The following CCDC127 variants were observed in gnomAD, a reference collection of about 807,000 sequenced individuals.
CCDC127 encodes the protein coiled-coil domain containing 127.
Under a neutral mutation model 4.1 loss-of-function variants are expected in CCDC127, and 2 were observed. The observed-to-expected ratio is 0.49, with a 90% CI of 0.20 to 1.53. The LOEUF (loss-of-function observed/expected upper bound fraction) is 1.53. CCDC127 is among the 40% of genes most tolerant of loss of function. The probability of loss-of-function intolerance (pLI) is 0.23; values close to 1 mark genes in which losing one functional copy is unlikely to be tolerated. For synonymous variants in CCDC127, 98 were observed against 120.4 expected (o/e 0.81, Z 1.22); for missense variants, 271 against 322.9 (o/e 0.84, Z 1.23).
Position 200,232 on chromosome 5 carries a change from C to G in CCDC127, c.*5065G>C, listed in dbSNP as rs1005847715. ...GAGACCTGCGAAGCTGCCACAGAAG[C>G]CCTCCGCCTTCCACCGCATGCCTGC... On this transcript the variant is annotated 3_prime_UTR_variant, in exon 3 of 3. Coordinates refer to ENST00000296824, the MANE Select transcript of CCDC127 (RefSeq NM_145265.3). 6.6e-6 allele frequency: 1 copy of G among 152,272 alleles called. No homozygotes were observed. Among genetic ancestry groups the G allele is most frequent in the Admixed American group, 6.5e-5 (1 of 15,286 alleles). 9.4% of individuals were successfully genotyped at this position (152,272 alleles called of 1,614,324 possible).
At position 205,660 on chromosome 5, in the gene CCDC127, C is replaced by A. The variant is rs547398127; in HGVS notation, c.420G>T (p.Ala140=). The A allele has an allele frequency of 4.3e-6, 7 of 1,614,080 alleles. No individual in the cohort carries two copies. In the African/African-American group the frequency reaches 8.0e-5, roughly 18 times the overall value. ...CTTCCCTTTGCAGGCAGCTCAAATA[C>A]GCACTTCTCAAAGGCTGCACCTGTC... ...EKRQVQPLRS[A]YLSCLQREEN... is the part of the protein sequence containing the mutation. The change falls in exon 3 of 3, where the codon GCG becomes GCT. Residue 140 remains alanine (A), a synonymous_variant. Transcript: ENST00000296824.
In CCDC127 at chr5:200,892, GCCC is replaced by G. The variant is rs1427689408; in HGVS notation, c.*4402_*4404del. The G allele has an allele frequency of 9.6e-6, 1 of 103,748 alleles. No homozygotes were observed. The highest frequency in any genetic ancestry group is 2.1e-5 in the Non-Finnish European group (1 of 46,846). 6.4% of individuals were successfully genotyped at this position (103,748 alleles called of 1,614,324 possible). A position where few individuals can be genotyped will look rare whatever the true frequency, so the allele number is the denominator to read the frequency against. ...CCAGCCAGCGTCTACACAGCAGGCT[GCCC>G]CCATCACAGCTAGCCAGCGTCTACA... On this transcript the variant is annotated 3_prime_UTR_variant, in exon 3 of 3. Transcript: ENST00000296824.
In CCDC127 at chr5:201,289, GA is replaced by G. The variant is rs1413311199; in HGVS notation, c.*4007del. On this transcript the variant is annotated 3_prime_UTR_variant, in exon 3 of 3. Coordinates refer to ENST00000296824, the MANE Select transcript of CCDC127 (RefSeq NM_145265.3). ...CTTTTATGTAGCAAACCTAATATGT[GA>G]AAGTAACTAGAAAGCTGTTTTCTCC... 1 of 152,238 alleles carries G rather than the reference GA, an allele frequency of 6.6e-6. No homozygotes were observed. Among genetic ancestry groups the G allele is most frequent in the African/African-American group, 2.4e-5 (1 of 41,446 alleles). 9.4% of individuals were successfully genotyped at this position (152,238 alleles called of 1,614,324 possible).
rs1031753315 is a variant in CCDC127 at position 197,097 on chromosome 5, A to T, written c.*8200T>A. On this transcript the variant is annotated 3_prime_UTR_variant, in exon 3 of 3. Coordinates refer to ENST00000296824, the MANE Select transcript of CCDC127 (RefSeq NM_145265.3). The stretch of plus-strand genomic sequence containing the variant: ...GGGAAGGTACTATGCCTGGACGTGC[A>T]CGTAGGCCAGATTTATGTTTCTCTC... The T allele has an allele frequency of 1.3e-5, 2 of 152,066 alleles. No homozygotes were observed. Among genetic ancestry groups the T allele is most frequent in the African/African-American group, 4.8e-5 (2 of 41,384 alleles). 9.4% of individuals were successfully genotyped at this position (152,066 alleles called of 1,614,324 possible). A position where few individuals can be genotyped will look rare whatever the true frequency, so the allele number is the denominator to read the frequency against.
chr5:202,994 A>G lies in CCDC127; in HGVS notation c.*2303T>C, dbSNP rs989353218. 1 of 152,274 alleles carries G rather than the reference A, an allele frequency of 6.6e-6. No homozygotes were observed. Among genetic ancestry groups the G allele is most frequent in the Non-Finnish European group, 1.5e-5 (1 of 68,032 alleles). The allele number at this position is 152,274 out of a possible 1,614,324, so 9.4% of individuals were successfully genotyped here. A position where few individuals can be genotyped will look rare whatever the true frequency, so the allele number is the denominator to read the frequency against. On this transcript the variant is annotated 3_prime_UTR_variant, in exon 3 of 3. Transcript: ENST00000296824. ...ACACCTGTAATCCCAGTGCTGTGGG[A>G]GGCCGAGGTGGGGGCGGTGGATCAC...
chr5:207,536 A>C (rs1182184957), intron 2 of CCDC127, among the ~76,000 whole-genome samples: 1 of 152,228 alleles, frequency 6.6e-6, no homozygotes, highest in African/African-American at 2.4e-5. Context: ...AGAAGCTGCA[A>C]GGAAAAGTCA....
At position 204,142 on chromosome 5, in the gene CCDC127, T is replaced by C. The variant is rs959013238; in HGVS notation, c.*1155A>G. 3 of 152,244 alleles carry C rather than the reference T, an allele frequency of 2.0e-5. No individual in the cohort carries two copies. Among genetic ancestry groups the C allele is most frequent in the Non-Finnish European group, 4.4e-5 (3 of 68,054 alleles). The allele number at this position is 152,244 out of a possible 1,614,324, so 9.4% of individuals were successfully genotyped here. On this transcript the variant is annotated 3_prime_UTR_variant, in exon 3 of 3. Transcript: ENST00000296824. ...TGAGCTTATTCTTAATAGTTAGGTG[T>C]GTCCTGTATGACTCCAGGGAGTGGA...
rs1002581637 is a variant in CCDC127, at chr5:204,438, C to T, written c.*859G>A. 1 of 152,186 alleles carries T rather than the reference C, an allele frequency of 6.6e-6. No individual in the cohort carries two copies. The allele number at this position is 152,186 out of a possible 1,614,324, so 9.4% of individuals were successfully genotyped here. A position where few individuals can be genotyped will look rare whatever the true frequency, so the allele number is the denominator to read the frequency against. On this transcript the variant is annotated 3_prime_UTR_variant, in exon 3 of 3. Coordinates refer to ENST00000296824, the MANE Select transcript of CCDC127 (RefSeq NM_145265.3). ...ACATGGGGTGATAAGTGCCTGTCTA[C>T]CTTGTTGGCTGTGGTAAACAATGAG... is the stretch of plus-strand genomic sequence containing the variant.
At chr5:206,477 G>A (rs1052964191) in intron 2 of CCDC127, among the ~76,000 whole-genome samples, 3 of 152,342 alleles carry the variant, frequency 2.0e-5, no homozygotes, top group South Asian at 4.1e-4. Flanking sequence ...AAAACGGGAC[G>A]AAGATTGCTG....
chr5:217,886 TTTAG>T (rs1336017637), intron 1 of CCDC127, among the ~76,000 whole-genome samples: 2 of 152,246 alleles, frequency 1.3e-5, no homozygotes, highest in South Asian at 2.1e-4. Context: ...TACAAAATAG[TTTAG>T]TTAATCAAGG....
rs753663261 is a variant in CCDC127, at chr5:205,740, C to T, written c.340G>A (p.Val114Ile). The change falls in exon 3 of 3, where the codon GTA (valine) becomes ATA (isoleucine). Residue 114 changes from valine (V) to isoleucine (I), a missense_variant. Val to Ile is a conservative substitution (Grantham distance 29). Transcript: ENST00000296824. ...TGTTCCAGAAGCTTCTTTTCTTCTA[C>T]CAACTTGCGTCCCTGAGAGATAAGG... ...EALISQGRKLVEEKKLLEQER... is the reference protein window; with the variant it reads ...EALISQGRKLIEEKKLLEQER... The T allele has an allele frequency of 2.5e-6, 4 of 1,614,024 alleles. No individual in the cohort carries two copies. Among genetic ancestry groups the T allele is most frequent in the Admixed American group, 1.7e-5 (1 of 60,002 alleles).
rs1734122216 is a variant in CCDC127, at chr5:204,080, C to G, written c.*1217G>C. On this transcript the variant is annotated 3_prime_UTR_variant, in exon 3 of 3. Coordinates refer to ENST00000296824, the MANE Select transcript of CCDC127 (RefSeq NM_145265.3). The stretch of plus-strand genomic sequence containing the variant: ...GGCCAGGCAGGGGGTACCACATGAC[C>G]AGCCCTTAGCAAAAGCCCCAGGTGC... The G allele has an allele frequency of 6.6e-6, 1 of 152,320 alleles. No individual in the cohort carries two copies. Among genetic ancestry groups the G allele is most frequent in the Non-Finnish European group, 1.5e-5 (1 of 68,106 alleles). The allele number at this position is 152,320 out of a possible 1,614,324, so 9.4% of individuals were successfully genotyped here.
rs58419258 is a variant in CCDC127 at position 197,293 on chromosome 5, T to A, written c.*8004A>T. On this transcript the variant is annotated 3_prime_UTR_variant, in exon 3 of 3. Transcript: ENST00000296824. ...CGGCGAGCAGGAGACAGTGGACTTC[T>A]CTCTCTCAACTGCAAGAGGCTTTCG... is the stretch of plus-strand genomic sequence containing the variant. 1 of 152,130 alleles carries A rather than the reference T, an allele frequency of 6.6e-6. No homozygotes were observed. Among genetic ancestry groups the A allele is most frequent in the African/African-American group, 2.4e-5 (1 of 41,426 alleles). 9.4% of individuals were successfully genotyped at this position (152,130 alleles called of 1,614,324 possible). A position where few individuals can be genotyped will look rare whatever the true frequency, so the allele number is the denominator to read the frequency against.
intron 2 of CCDC127, among the ~76,000 whole-genome samples, chr5:209,776 A>G (rs1033169402): frequency 2.0e-5 from 3 of 152,286 alleles, no homozygotes; most frequent in African/African-American, 7.2e-5. Context: ...CAGCACGGCC[A>G]CGTGGGGATT....
intron 2 of CCDC127, chr5:214,012 T>C (rs2099084): frequency 0.33 from 50,935 of 152,090 alleles, 10,204 homozygotes; most frequent in African/African-American, 0.55. Context: ...GCAATGAAAC[T>C]ATCTATGAAC....
intron 2 of CCDC127, chr5:215,023 T>C (rs1256030674): frequency 6.7e-6 from 1 of 149,906 alleles, no homozygotes. Context: ...CAAGACTCCG[T>C]CTCGAAAAAA....
At chr5:213,449 C>T (rs1408026821) in intron 2 of CCDC127, among the ~76,000 whole-genome samples, 2 of 103,140 alleles carry the variant, frequency 1.9e-5, no homozygotes, top group Non-Finnish European at 1.9e-5. Context: ...TGCTTGACAT[C>T]GCACACTGCA....
In CCDC127 at chr5:205,435, A is replaced by C; in HGVS notation, c.645T>G (p.His215Gln). Residue 215 changes from histidine (H) to glutamine (Q), a missense_variant, in exon 3 of 3, where the codon CAT becomes CAG. Transcript: ENST00000296824. ...MAAGLTDIFQHDTYCGDVWNT... is the reference protein window; with the variant it reads ...MAAGLTDIFQQDTYCGDVWNT... ...TCCAGACATCACCACAGTATGTATC[A>C]TGCTGAAATATGTCGGTGAGACCGG... 2 of 1,614,218 alleles carry C rather than the reference A, an allele frequency of 1.2e-6. No individual in the cohort carries two copies. The highest frequency in any genetic ancestry group is 1.1e-5 in the South Asian group (1 of 91,088).
At chr5:206,445 T>C (rs1025758867) in intron 2 of CCDC127, among the ~76,000 whole-genome samples, 3 of 152,260 alleles carry the variant, frequency 2.0e-5, no homozygotes, top group African/African-American at 7.2e-5. Flanking sequence ...TTCCTCAAAC[T>C]GGAGACTGCT....
Sources: allele counts gnomAD v4.1 joint callset (sites outside exome capture counted in the v4.1 genomes callset), GRCh38; gene constraint gnomAD v4.1.1; transcripts MANE v1.5; gene names NCBI Gene and HGNC (gene_info 2026-07-23, HGNC 2026-07-21).